PLXDC1: variants seen among roughly 807,000 people sequenced by gnomAD.
PLXDC1 encodes the protein plexin domain-containing protein 1.
A neutral mutation model predicts 61.3 loss-of-function variants in PLXDC1; 39 were observed. That is an observed-to-expected ratio of 0.64 (90% CI 0.49 to 0.83). The LOEUF (loss-of-function observed/expected upper bound fraction) is 0.83, where lower values mean the gene tolerates loss of function less well. Among genes scored for constraint, PLXDC1 ranks in the 40% least tolerant of loss-of-function variants. PLXDC1 has a pLI of 0.00. For missense variants in PLXDC1, 596 were observed against 666.5 expected (o/e 0.89, Z 1.17); for synonymous variants, 212 against 254.5 (o/e 0.83, Z 1.59).
At chr17:39,129,764 A>AAAAGC (rs1911497714) in intron 2 of PLXDC1, among the ~76,000 whole-genome samples, 4 of 149,852 alleles carry the variant, frequency 2.7e-5, no homozygotes, top group African/African-American at 7.4e-5. Flanking sequence ...AGAAAGAAAG[A>AAAAGC]AAGAGAGAAA....
At chr17:39,126,372 G>A (rs1003519808) in intron 2 of PLXDC1, among the ~76,000 whole-genome samples, 4 of 152,142 alleles carry the variant, frequency 2.6e-5, no homozygotes, top group Admixed American at 6.5e-5. Context: ...GCAAAGCAAC[G>A]TATAATGAAA....
chr17:39,117,441 C>G (rs989883491), intron 2 of PLXDC1, among the ~76,000 whole-genome samples: 1 of 152,154 alleles, frequency 6.6e-6, no homozygotes, highest in Non-Finnish European at 1.5e-5. Flanking sequence ...CACTTGCCAT[C>G]TGAATCCAAC....
rs190616978 is a variant in PLXDC1 at position 39,115,675 on chromosome 17, C to T, written c.256-6284G>A. ...AAGCCTGCAGGGGAGCATTTGGGAG[C>T]GTGGGAGGAAGGAGAAGGGAAGCTG... On this transcript the variant is annotated intron_variant, in intron 2 of 13. Transcript: ENST00000315392. 6.8e-3 allele frequency among the ~76,000 whole-genome samples: 1,037 copies of T among 152,086 alleles called. 9 individuals carry two copies. Among genetic ancestry groups the T allele is most frequent in the Non-Finnish European group, 9.4e-3 (637 of 67,978 alleles).
At chr17:39,122,695 A>G (rs16239) in intron 2 of PLXDC1, among the ~76,000 whole-genome samples, 22,026 of 152,188 alleles carry the variant, frequency 0.14, 3,195 homozygotes, top group African/African-American at 0.36. Context: ...ATGACTTGAC[A>G]TTACAAAGGA....
intron 1 of PLXDC1, among the ~76,000 whole-genome samples, chr17:39,148,600 A>G (rs192711256): frequency 1.3e-4 from 20 of 151,922 alleles, no homozygotes; most frequent in Non-Finnish European, 2.8e-4. Context: ...TAAATATACT[A>G]ATTTTTGTAT....
At chr17:39,092,380 T>C (rs1909989183) in intron 7 of PLXDC1, among the ~76,000 whole-genome samples, 1 of 152,172 alleles carries the variant, frequency 6.6e-6, no homozygotes, top group Admixed American at 6.5e-5. Flanking sequence ...GCCACATCTC[T>C]TTACAATTTA....
chr17:39,100,886 G>T (rs1233297393), intron 7 of PLXDC1, among the ~76,000 whole-genome samples: 1 of 152,230 alleles, frequency 6.6e-6, no homozygotes, highest in African/African-American at 2.4e-5. Context: ...GAGGGGTCGT[G>T]GGAGGTACGA....
chr17:39,110,367 T>C (rs73302845), intron 2 of PLXDC1, among the ~76,000 whole-genome samples: 7,052 of 152,156 alleles, frequency 0.046, 510 homozygotes, highest in African/African-American at 0.15. Flanking sequence ...GTGTGCCTGA[T>C]GGAGATGAAA....
intron 13 of PLXDC1, among the ~76,000 whole-genome samples, 158 bp downstream of exon 13, chr17:39,069,698 G>A (rs148696026): frequency 7.2e-5 from 11 of 152,256 alleles, no homozygotes; most frequent in Non-Finnish European, 1.3e-4. Flanking sequence ...AGGACTTAAC[G>A]GGCGCCAGCC....
At chr17:39,141,774 A>C (rs1477691677) in intron 1 of PLXDC1, among the ~76,000 whole-genome samples, 1 of 152,100 alleles carries the variant, frequency 6.6e-6, no homozygotes, top group East Asian at 1.9e-4. Context: ...ATTCCCACCA[A>C]CCGTGCACAT....
intron 12 of PLXDC1, among the ~76,000 whole-genome samples, chr17:39,071,674 AG>A (rs1390104446): frequency 6.6e-6 from 1 of 152,174 alleles, no homozygotes; most frequent in Non-Finnish European, 1.5e-5. Context: ...CATGGTGCAC[AG>A]CGAGGGGATT....
At chr17:39,091,509 T>C (rs1909949689) in intron 7 of PLXDC1, among the ~76,000 whole-genome samples, 1 of 152,080 alleles carries the variant, frequency 6.6e-6, no homozygotes, top group Admixed American at 6.6e-5. Context: ...CCCAGGCAGA[T>C]CAGGGAACTT....
chr17:39,086,649 G>T (rs1909750038), intron 8 of PLXDC1, among the ~76,000 whole-genome samples: 1 of 151,880 alleles, frequency 6.6e-6, no homozygotes, highest in Admixed American at 6.6e-5. Context: ...ATCACTTGAG[G>T]TCAGGAGTTC....
At chr17:39,150,191 G>A (rs1057253891) in intron 1 of PLXDC1, among the ~76,000 whole-genome samples, 6 of 152,088 alleles carry the variant, frequency 3.9e-5, no homozygotes, top group African/African-American at 1.2e-4. Flanking sequence ...GCAGCTTCTC[G>A]GTTCGTCAGC....
At chr17:39,083,417 C>G (rs781080522) in intron 9 of PLXDC1, 42 bp downstream of exon 9, 2 of 1,519,292 alleles carry the variant, frequency 1.3e-6, no homozygotes, top group Non-Finnish European at 1.8e-6. Flanking sequence ...TTCCCCTCCA[C>G]AGTCGGCCAG....
chr17:39,133,325 C>T (rs1310176025), intron 2 of PLXDC1, among the ~76,000 whole-genome samples: 1 of 152,042 alleles, frequency 6.6e-6, no homozygotes, highest in African/African-American at 2.4e-5. Flanking sequence ...GAGTCTCGGG[C>T]GTGTGCAGAC....
chr17:39,083,813 C>T (rs1909648533), intron 8 of PLXDC1, among the ~76,000 whole-genome samples: 1 of 152,114 alleles, frequency 6.6e-6, no homozygotes, highest in African/African-American at 2.4e-5. Flanking sequence ...AAGTGATCCT[C>T]CTGCCTCAGC....
chr17:39,151,910 G>C (rs1310475478), upstream of PLXDC1, among the ~76,000 whole-genome samples: 1 of 152,066 alleles, frequency 6.6e-6, no homozygotes, highest in African/African-American at 2.4e-5. This position sits in a 1 kb window ranked among gnomAD's most constrained non-coding sequence, Gnocchi z 5.2. Context: ...CCTCCGTTCC[G>C]CCGGGAAAGC....
chr17:39,105,834 C>T lies in PLXDC1; in HGVS notation c.811+20G>A, dbSNP rs756507041. 21 of 1,539,926 alleles carry T rather than the reference C, an allele frequency of 1.4e-5. No individual in the cohort carries two copies. Among genetic ancestry groups the T allele is most frequent in the East Asian group, 6.7e-5 (3 of 44,540 alleles). ...AGTCCTACCCCCATCAAGGCCTCTG[C>T]GGGGTCCCTGAAGACTCACCTGGCA... On this transcript the variant is annotated intron_variant, in intron 7 of 13. Transcript: ENST00000315392.
Sources: gnomAD v4.1 joint callset for allele counts (sites outside exome capture counted in the v4.1 genomes callset) on GRCh38, gnomAD v4.1.1 for gene constraint, Gnocchi (gnomAD v3.1) non-coding constraint, MANE v1.5 for transcripts, NCBI Gene and HGNC (gene_info 2026-07-23, HGNC 2026-07-21) for gene names.